Variants in ECPAS observed in about 807,000 individuals in gnomAD.
The protein encoded by ECPAS is proteasome adapter and scaffold protein ECM29.
In ECPAS, 70 loss-of-function variants were observed where a neutral mutation model predicts 255.1. The observed-to-expected ratio is 0.27, with a 90% CI of 0.23 to 0.33. The LOEUF (loss-of-function observed/expected upper bound fraction) is 0.33. ECPAS is among the 10% of genes least tolerant of loss of function. The probability of loss-of-function intolerance (pLI) is 1.00; values close to 1 mark genes in which losing one functional copy is unlikely to be tolerated. For missense variants in ECPAS, 1,817 were observed against 2,206.4 expected, an observed-to-expected ratio of 0.82 and a Z score of 3.54; for synonymous variants, 784 against 775.0, an observed-to-expected ratio of 1.01 and a Z score of -0.19.
At position 111,372,340 on chromosome 9, in the gene ECPAS, T is replaced by C; in HGVS notation, c.4528+89A>G. The C allele has an allele frequency of 3.3e-6, 4 of 1,219,140 alleles. No homozygotes were observed. In the South Asian group the frequency reaches 5.6e-5, roughly 17 times the overall value. 75.5% of individuals were successfully genotyped at this position (1,219,140 alleles called of 1,614,324 possible). Reference sequence around the variant, plus strand: ...CATATTAAGGTCCTGGGAAAGTAACTTCAGAGGAGTTTATGAATAACGAAT... The same window carrying C: ...CATATTAAGGTCCTGGGAAAGTAACCTCAGAGGAGTTTATGAATAACGAAT... On this transcript the variant is annotated intron_variant, in intron 42 of 49. Coordinates refer to ENST00000684092, the MANE Select transcript of ECPAS (RefSeq NM_001364929.1).
Position 111,373,348 on chromosome 9 carries a change from T to A in ECPAS, c.4236A>T (p.Lys1412Asn). 2.5e-6 allele frequency: 4 copies of A among 1,613,864 alleles called. No individual in the cohort carries two copies. The South Asian group carries it at 4.4e-5, about 18-fold the overall frequency. Reference sequence around the variant, plus strand: ...AATGGCCCATAGCAAATGCACAAGATTTCTGAATCACACTGTTCCGATCTG... The same window carrying A: ...AATGGCCCATAGCAAATGCACAAGAATTCTGAATCACACTGTTCCGATCTG... ...GLTDRNSVIQ[K>N]SCAFAMGHLV... The change falls in exon 40 of 50, where the codon AAA becomes AAT. Residue 1412 changes from lysine (K) to asparagine (N), a missense_variant. This residue lies in a region of ECPAS where 960 missense variants were observed against 1,179.0 expected (regional missense o/e 0.81). Transcript: ENST00000684092.
At chr9:111,477,892 T>C (rs2098298428) in intron 1 of ECPAS, among the ~76,000 whole-genome samples, 1 of 151,976 alleles carries the variant, frequency 6.6e-6, no homozygotes, top group South Asian at 2.1e-4. Flanking sequence ...CCTGCCTATT[T>C]TTGGCAACTT....
Position 111,434,160 on chromosome 9 carries a change from A to G in ECPAS, c.709-788T>C, listed in dbSNP as rs149682633. 4.6e-5 allele frequency among the ~76,000 whole-genome samples: 7 copies of G among 152,338 alleles called. No homozygotes were observed. In the East Asian group the frequency reaches 1.3e-3, roughly 29 times the overall value. ...TTTACAATTATTAAATGAGAAAAAA[A>G]TGCAACTTAAAAAAGCATAACAGAT... On this transcript the variant is annotated intron_variant, in intron 7 of 49. Transcript: ENST00000684092.
intron 49 of ECPAS, among the ~76,000 whole-genome samples, chr9:111,363,160 GAAGA>G (rs1554774556): frequency 2.0e-5 from 3 of 150,364 alleles, no homozygotes; most frequent in Non-Finnish European, 1.5e-5. Context: ...GGTTAGGGGA[GAAGA>G]AATAGGATTA....
intron 2 of ECPAS, among the ~76,000 whole-genome samples, chr9:111,464,425 ATC>A (rs1270819368): frequency 2.0e-5 from 3 of 149,948 alleles, no homozygotes; most frequent in Non-Finnish European, 4.4e-5. Context: ...GCAAGATCCT[ATC>A]TCAAAAGAAA....
intron 8 of ECPAS, among the ~76,000 whole-genome samples, chr9:111,431,425 G>T (rs1369351979): frequency 6.6e-6 from 1 of 152,120 alleles, no homozygotes; most frequent in Non-Finnish European, 1.5e-5. Context: ...GGGCACGGTG[G>T]TGTGCACCTG....
intron 39 of ECPAS, 61 bp downstream of exon 39, chr9:111,373,911 A>G: frequency 7.7e-7 from 1 of 1,300,198 alleles, no homozygotes; most frequent in Non-Finnish European, 1.1e-6. Context: ...CCTTTTTAAA[A>G]CTCTGTCACA....
chr9:111,473,956 G>C (rs1267947889), intron 1 of ECPAS, among the ~76,000 whole-genome samples: 1 of 152,022 alleles, frequency 6.6e-6, no homozygotes, highest in Non-Finnish European at 1.5e-5. Context: ...GACAGAGAGA[G>C]ACCCTGTCTC....
Position 111,369,176 on chromosome 9 carries a change from A to G in ECPAS, c.4975-3T>C, listed in dbSNP as rs1472442223. On this transcript the variant is annotated splice_polypyrimidine_tract_variant and splice_region_variant and intron_variant, in intron 45 of 49. Transcript: ENST00000684092. ...ACCCCACTGCTTTCAAGTGAGTTCT[A>G]GGATATATCAAAGAAAAGAAAATGT... The G allele has an allele frequency of 2.6e-6, 4 of 1,518,238 alleles. No homozygotes were observed. In the African/African-American group the frequency reaches 4.3e-5, roughly 16 times the overall value. The allele number at this position is 1,518,238 out of a possible 1,614,324, so 94.0% of individuals were successfully genotyped here. A position where few individuals can be genotyped will look rare whatever the true frequency, so the allele number is the denominator to read the frequency against.
chr9:111,433,749 G>C (rs141618538), intron 7 of ECPAS, among the ~76,000 whole-genome samples: 1 of 152,094 alleles, frequency 6.6e-6, no homozygotes, highest in African/African-American at 2.4e-5. Context: ...ATGAAGTCTT[G>C]AAGTCCAAAT....
At chr9:111,389,921 G>T in intron 30 of ECPAS, 63 bp downstream of exon 30, 1 of 1,257,596 alleles carries the variant, frequency 8.0e-7, no homozygotes, top group Non-Finnish European at 1.1e-6. Flanking sequence ...GCCACTGTCT[G>T]CCAATGTAGC....
At chr9:111,392,151 A>G (rs2098161154) in intron 28 of ECPAS, among the ~76,000 whole-genome samples, 1 of 152,038 alleles carries the variant, frequency 6.6e-6, no homozygotes, top group Non-Finnish European at 1.5e-5. Flanking sequence ...GAGGCGGGAG[A>G]GTCACCTGAA....
chr9:111,416,289 G>C lies in ECPAS; in HGVS notation c.1747C>G (p.Pro583Ala), dbSNP rs779017097. The change falls in exon 18 of 50, where the codon CCA becomes GCA. Residue 583 changes from proline to alanine, a missense_variant. Pro to Ala is a conservative substitution (Grantham distance 27). This residue lies in a region of ECPAS where 573 missense variants were observed against 716.2 expected (regional missense o/e 0.80). Coordinates refer to ENST00000684092, the MANE Select transcript of ECPAS (RefSeq NM_001364929.1). ...AGTTCTACCTCTCCAAAGGCTGCTG[G>C]GTTAAATGGAAGGACAGTGGTCCCG... is the stretch of plus-strand genomic sequence containing the variant. ...MTGTTVLPFNPAAFGEIVLYL... is the reference protein window; with the variant it reads ...MTGTTVLPFNAAAFGEIVLYL... 2 of 1,613,032 alleles carry C rather than the reference G, an allele frequency of 1.2e-6. No individual in the cohort carries two copies. Among genetic ancestry groups the C allele is most frequent in the Admixed American group, 3.3e-5 (2 of 59,984 alleles).
At chr9:111,412,228 G>C in intron 20 of ECPAS, 80 bp from the exon 21 acceptor site, 1 of 1,238,980 alleles carries the variant, frequency 8.1e-7, no homozygotes, top group East Asian at 3.0e-5. Context: ...AAAATTAAAA[G>C]AACGTTCAAT....
At position 111,374,005 on chromosome 9, in the gene ECPAS, T is replaced by C. The variant is rs770640880; in HGVS notation, c.4144A>G (p.Thr1382Ala). The part of the protein sequence containing the change: ...GCASVIVSLT[T>A]QCPQDLTPYS... ...GGTGTTAGGTCCTGAGGACACTGAG[T>C]AGTTAATGACACAATGACACTGGCA... The change falls in exon 39 of 50, where the codon ACT becomes GCT. Residue 1382 changes from threonine to alanine, a missense_variant. By Grantham distance (58) the Thr-to-Ala change is moderately conservative. This residue lies in a region of ECPAS where 960 missense variants were observed against 1,179.0 expected (regional missense o/e 0.81). Coordinates refer to ENST00000684092, the MANE Select transcript of ECPAS (RefSeq NM_001364929.1). The C allele has an allele frequency of 3.1e-6, 5 of 1,613,296 alleles. No homozygotes were observed. Among genetic ancestry groups the C allele is most frequent in the Non-Finnish European group, 4.2e-6 (5 of 1,179,460 alleles).
chr9:111,398,754 T>C (rs1038695259), intron 24 of ECPAS, among the ~76,000 whole-genome samples: 11 of 152,168 alleles, frequency 7.2e-5, no homozygotes, highest in Admixed American at 1.3e-4. Flanking sequence ...CTGGCCAATA[T>C]GGTGAAACCC....
At chr9:111,373,724 G>C (rs975598522) in intron 39 of ECPAS, among the ~76,000 whole-genome samples, 2 of 152,180 alleles carry the variant, frequency 1.3e-5, no homozygotes, top group African/African-American at 4.8e-5. Flanking sequence ...CTGTGGAAAA[G>C]AGGATACTTT....
chr9:111,481,857 T>C (rs1453099150), intron 1 of ECPAS, among the ~76,000 whole-genome samples: 1 of 152,236 alleles, frequency 6.6e-6, no homozygotes, highest in Non-Finnish European at 1.5e-5. Flanking sequence ...TCACAAATTC[T>C]GTATGATTCC....
intron 24 of ECPAS, among the ~76,000 whole-genome samples, chr9:111,406,348 A>G (rs1185961600): frequency 1.3e-5 from 2 of 149,790 alleles, no homozygotes; most frequent in African/African-American, 2.5e-5. Flanking sequence ...GGTGGTTACC[A>G]GAGGCCAGGA....
Sources: gnomAD v4.1 joint callset for allele counts (sites outside exome capture counted in the v4.1 genomes callset) on GRCh38, gnomAD v4.1.1 for gene constraint, gnomAD v4.1.1 regional missense constraint, MANE v1.5 for transcripts, NCBI Gene and HGNC (gene_info 2026-07-23, HGNC 2026-07-21) for gene names.